DLG2: variants seen among roughly 807,000 people sequenced by gnomAD.
The protein encoded by DLG2 is disks large homolog 2.
Under a neutral mutation model 132.5 loss-of-function variants are expected in DLG2, and 45 were observed. The observed-to-expected ratio is 0.34, with a 90% CI of 0.27 to 0.44. The LOEUF (loss-of-function observed/expected upper bound fraction) is 0.44. DLG2 is among the 20% of genes least tolerant of loss of function. The pLI is 1.00. For missense variants in DLG2, 1,045 were observed against 1,196.9 expected (o/e 0.87, Z 1.87); for synonymous variants, 424 against 419.6 (o/e 1.01, Z -0.13).
intron 18 of DLG2, among the ~76,000 whole-genome samples, chr11:83,761,615 C>T (rs761096551): frequency 5.9e-5 from 9 of 152,130 alleles, no homozygotes; most frequent in Non-Finnish European, 8.8e-5. Context: ...TTACCCCCAA[C>T]ATCATATCTC....
chr11:83,465,919 C>G (rs1199637139), intron 26 of DLG2, among the ~76,000 whole-genome samples: 2 of 152,194 alleles, frequency 1.3e-5, no homozygotes, highest in Non-Finnish European at 2.9e-5. Context: ...CTGGTTACCT[C>G]TATCTACTGT....
chr11:84,035,634 T>C (rs2095845132), intron 11 of DLG2, among the ~76,000 whole-genome samples: 4 of 152,062 alleles, frequency 2.6e-5, no homozygotes, highest in Admixed American at 1.3e-4. Context: ...GCTGTGGAGT[T>C]TGATTAAGTG....
At chr11:83,806,374 T>G (rs1165067006) in intron 17 of DLG2, among the ~76,000 whole-genome samples, 1 of 152,132 alleles carries the variant, frequency 6.6e-6, no homozygotes, top group Non-Finnish European at 1.5e-5. Flanking sequence ...CTAGACAAAT[T>G]AACTCTATAC....
chr11:84,466,494 A>G (rs1261644568), intron 7 of DLG2, among the ~76,000 whole-genome samples: 1 of 151,346 alleles, frequency 6.6e-6, no homozygotes, highest in African/African-American at 2.4e-5. Context: ...ACAAACGACT[A>G]CATATAGAAA....
Position 84,566,176 on chromosome 11 carries a change from TG to T in DLG2, c.358-31446del, listed in dbSNP as rs1360664065. On this transcript the variant is annotated intron_variant, in intron 6 of 27. Transcript: ENST00000376104. Reference sequence around the variant, plus strand: ...TGGGGTTTCACCATGTTGGCCAGGCTGGTTTTGAACTCCTGACCTCAATTGA... The same window carrying T: ...TGGGGTTTCACCATGTTGGCCAGGCTGTTTTGAACTCCTGACCTCAATTGA... Among the ~76,000 whole-genome samples the T allele has an allele frequency of 2.6e-5, 4 of 152,208 alleles. No individual in the cohort carries two copies. In the East Asian group the frequency reaches 7.7e-4, roughly 29 times the overall value.
intron 19 of DLG2, among the ~76,000 whole-genome samples, chr11:83,562,537 A>T (rs1274605078): frequency 1.3e-5 from 2 of 152,218 alleles, no homozygotes; most frequent in Non-Finnish European, 2.9e-5. Flanking sequence ...GCTATAATTG[A>T]TAATCATTAT....
At chr11:84,354,311 T>C (rs2098598342) in intron 7 of DLG2, among the ~76,000 whole-genome samples, 1 of 152,168 alleles carries the variant, frequency 6.6e-6, no homozygotes, top group South Asian at 2.1e-4. Flanking sequence ...GTGTGAATTA[T>C]AAAGGTGTAT....
chr11:84,918,895 A>G (rs1330383289), intron 6 of DLG2, among the ~76,000 whole-genome samples: 1 of 152,196 alleles, frequency 6.6e-6, no homozygotes, highest in African/African-American at 2.4e-5. Context: ...TAATGCATTC[A>G]TTTAAAGCAT....
In DLG2 at chr11:83,697,445, C is replaced by G. The variant is rs1221634211; in HGVS notation, c.1826-64120G>C. 7.2e-5 allele frequency among the ~76,000 whole-genome samples: 11 copies of G among 152,328 alleles called. No homozygotes were observed. The East Asian group carries it at 2.1e-3, about 29-fold the overall frequency. On this transcript the variant is annotated intron_variant, in intron 18 of 27. Transcript: ENST00000376104. Reference sequence around the variant, plus strand: ...TTTCTAAGCAGCAGGTCTCTACTCCCAAAGTCTTGGGAAGCAGATGGTACC... The same window carrying G: ...TTTCTAAGCAGCAGGTCTCTACTCCGAAAGTCTTGGGAAGCAGATGGTACC...
chr11:84,865,115 A>G (rs779781037), intron 6 of DLG2, among the ~76,000 whole-genome samples: 1 of 152,184 alleles, frequency 6.6e-6, no homozygotes, highest in East Asian at 1.9e-4. Flanking sequence ...GTTACTCTCT[A>G]TTACGAAGCA....
Position 83,930,412 on chromosome 11 carries a change from G to A in DLG2, c.1412C>T (p.Pro471Leu). ...DKPASPRHYSPVECDKSFLLS... is the reference protein window; with the variant it reads ...DKPASPRHYSLVECDKSFLLS... ...GAGGAAGCTTTTGTCACACTCAACAGGGGAATAGTGCCTGGGAGAAGCAGG... is the reference window on the plus strand; with the variant it reads ...GAGGAAGCTTTTGTCACACTCAACAAGGGAATAGTGCCTGGGAGAAGCAGG... The change falls in exon 15 of 28, where the codon CCT becomes CTT. Residue 471 changes from proline (P) to leucine (L), a missense_variant. This residue lies in a region of DLG2 where 261 missense variants were observed against 256.1 expected (regional missense o/e 1.02). Transcript: ENST00000376104. 6.2e-7 allele frequency: 1 copy of A among 1,614,096 alleles called. No homozygotes were observed. Among genetic ancestry groups the A allele is most frequent in the Non-Finnish European group, 8.5e-7 (1 of 1,179,954 alleles).
chr11:83,957,082 G>A (rs185175378), intron 14 of DLG2, among the ~76,000 whole-genome samples: 1 of 152,292 alleles, frequency 6.6e-6, no homozygotes, highest in East Asian at 1.9e-4. Flanking sequence ...GCAAGCTTTT[G>A]TGATAAAATA....
At chr11:83,901,227 C>T (rs1270757896) in intron 15 of DLG2, among the ~76,000 whole-genome samples, 1 of 152,130 alleles carries the variant, frequency 6.6e-6, no homozygotes, top group African/African-American at 2.4e-5. Context: ...TTAGATGAGA[C>T]TTTAGACTGT....
chr11:85,077,448 T>C (rs901757962), intron 6 of DLG2, among the ~76,000 whole-genome samples: 2 of 152,008 alleles, frequency 1.3e-5, no homozygotes, highest in Non-Finnish European at 2.9e-5. Flanking sequence ...GGCAATAAAA[T>C]TTCCAAGTGC....
chr11:85,509,394 T>C (rs1388586974), intron 3 of DLG2, among the ~76,000 whole-genome samples: 1 of 152,060 alleles, frequency 6.6e-6, no homozygotes. Context: ...AAGTTGGGCA[T>C]TACTTTAAGA....
At chr11:83,965,203 C>T (rs748738001) in intron 13 of DLG2, 121 bp downstream of exon 13, 4 of 1,110,902 alleles carry the variant, frequency 3.6e-6, no homozygotes, top group Non-Finnish European at 5.1e-6. Context: ...GATACTCCCT[C>T]TGAAGTATTT....
intron 6 of DLG2, among the ~76,000 whole-genome samples, chr11:84,839,226 G>T (rs906815050): frequency 9.2e-5 from 14 of 152,080 alleles, no homozygotes; most frequent in Non-Finnish European, 1.8e-4. Context: ...TGAATCATGA[G>T]TGAATTCCCA....
chr11:84,415,114 A>C (rs963589250), intron 7 of DLG2, among the ~76,000 whole-genome samples: 2 of 152,212 alleles, frequency 1.3e-5, no homozygotes, highest in African/African-American at 4.8e-5. Flanking sequence ...CCTAAAGGCA[A>C]ACAGCTTTTA....
chr11:83,799,425 T>G (rs567124748), intron 17 of DLG2, among the ~76,000 whole-genome samples: 2 of 152,170 alleles, frequency 1.3e-5, no homozygotes, highest in Non-Finnish European at 2.9e-5. Context: ...AGTATCCCAG[T>G]AGATAATCGG....
Sources: gnomAD v4.1 joint callset for allele counts (sites outside exome capture counted in the v4.1 genomes callset) on GRCh38, gnomAD v4.1.1 for gene constraint, gnomAD v4.1.1 regional missense constraint, MANE v1.5 for transcripts, NCBI Gene and HGNC (gene_info 2026-07-23, HGNC 2026-07-21) for gene names.